OTULIN: variants seen among roughly 807,000 people sequenced by gnomAD.
OTULIN encodes ubiquitin thioesterase otulin.
A neutral mutation model predicts 39.6 loss-of-function variants in OTULIN; 15 were observed. The observed-to-expected ratio is 0.38, with a 90% CI of 0.25 to 0.58. The LOEUF (loss-of-function observed/expected upper bound fraction) is 0.58. Among genes scored for constraint, OTULIN ranks in the 20% least tolerant of loss-of-function variants. OTULIN has a pLI of 0.66. For missense variants in OTULIN, 319 were observed against 445.9 expected, an observed-to-expected ratio of 0.72 and a Z score of 2.56; for synonymous variants, 156 against 170.3, an observed-to-expected ratio of 0.92 and a Z score of 0.65.
At chr5:14,712,784 G>T in the OTULIN span, 2 of 1,306,690 alleles carry the variant, frequency 1.5e-6, no homozygotes, top group Non-Finnish European at 2.2e-6. Flanking sequence ...ACTGACGAAC[G>T]CCACCATCCA....
intron 1 of OTULIN, among the ~76,000 whole-genome samples, chr5:14,666,838 G>C (rs977937575): frequency 5.9e-5 from 9 of 152,160 alleles, no homozygotes; most frequent in Non-Finnish European, 1.0e-4. Context: ...GTAGTGGGCT[G>C]TTTCTCTATG....
downstream of OTULIN, among the ~76,000 whole-genome samples, chr5:14,701,665 G>A (rs998894361): frequency 2.0e-5 from 3 of 152,220 alleles, no homozygotes; most frequent in African/African-American, 7.2e-5. Flanking sequence ...GGATGGCAGA[G>A]TCAGGGAGTT....
chr5:14,710,786 T>C, the OTULIN span: 1 of 226,714 alleles, frequency 4.4e-6, no homozygotes, highest in Non-Finnish European at 8.9e-6. Flanking sequence ...TGTTGATTCT[T>C]AAGAGCGATG....
chr5:14,681,338 C>G, intron 3 of OTULIN, 126 bp from the exon 4 acceptor site: 2 of 1,032,568 alleles, frequency 1.9e-6, no homozygotes, highest in Middle Eastern at 2.3e-4. Flanking sequence ...TAGAAAGGGA[C>G]ATAAAACTCC....
intron 2 of OTULIN, among the ~76,000 whole-genome samples, chr5:14,676,303 G>A (rs1485259763): frequency 6.6e-6 from 1 of 152,210 alleles, no homozygotes. Context: ...AGCAGCGTCT[G>A]TGTAGTTTGC....
rs200855910 is a variant in OTULIN at position 14,694,539 on chromosome 5, A to ATT, written c.*1498_*1499dup. ...TCCAATTTAATATAGTTTAGAAGCT[A>ATT]TTTTTTTTGAGGCAAACCGTTTTTG... On this transcript the variant is annotated 3_prime_UTR_variant, in exon 7 of 7. Transcript: ENST00000284274. The ATT allele has an allele frequency of 6.6e-6, 1 of 152,034 alleles. No homozygotes were observed. The highest frequency in any genetic ancestry group is 1.5e-5 in the Non-Finnish European group (1 of 67,988). The allele number at this position is 152,034 out of a possible 1,614,324, so 9.4% of individuals were successfully genotyped here.
chr5:14,675,188 AT>A (rs1736074330), intron 2 of OTULIN, among the ~76,000 whole-genome samples: 1 of 152,180 alleles, frequency 6.6e-6, no homozygotes, highest in Non-Finnish European at 1.5e-5. Context: ...TGAGTTTATT[AT>A]GGTGCCAAAA....
At position 14,699,729 on chromosome 5, in the gene OTULIN, C is replaced by T. The variant is rs74565345; in HGVS notation, c.*6681C>T. On this transcript the variant is annotated 3_prime_UTR_variant, in exon 7 of 7. Transcript: ENST00000284274. ...CCAGCTGCATTATGTGTGTTTAGAA[C>T]GAGAAGTTGTTTGTACAGTATTTTT... 8 of 152,284 alleles carry T rather than the reference C, an allele frequency of 5.3e-5. No homozygotes were observed. The East Asian group carries it at 1.2e-3, about 22-fold the overall frequency. The allele number at this position is 152,284 out of a possible 1,614,324, so 9.4% of individuals were successfully genotyped here.
Position 14,692,950 on chromosome 5 carries a change from A to T in OTULIN, c.961A>T (p.Thr321Ser). 6.2e-7 allele frequency: 1 copy of T among 1,614,106 alleles called. No individual in the cohort carries two copies. The highest frequency in any genetic ancestry group is 8.5e-7 in the Non-Finnish European group (1 of 1,180,016). Residue 321 changes from threonine to serine, a missense_variant, in exon 7 of 7, where the codon ACC (threonine) becomes TCC (serine). Coordinates refer to ENST00000284274, the MANE Select transcript of OTULIN (RefSeq NM_138348.6). ...GGAAGAATTCATCACAGTCTACCCC[A>T]CCGACCCACCCAAGGACTGGCCAGT... ...NTEEFITVYPTDPPKDWPVVT... is the reference protein window; with the variant it reads ...NTEEFITVYPSDPPKDWPVVT...
chr5:14,691,048 G>A (rs1168253822), intron 6 of OTULIN, among the ~76,000 whole-genome samples: 1 of 152,244 alleles, frequency 6.6e-6, no homozygotes, highest in Admixed American at 6.5e-5. Context: ...TTACAGATTT[G>A]TTAAGTGTGG....
At chr5:14,706,560 T>C in the OTULIN span, 5 of 152,330 alleles carry the variant, frequency 3.3e-5, no homozygotes, top group South Asian at 8.3e-4. Context: ...GTATACTATA[T>C]ATTTGTGACT....
chr5:14,711,168 T>TC, the OTULIN span: 1 of 1,540,686 alleles, frequency 6.5e-7, no homozygotes, highest in South Asian at 1.1e-5. Context: ...TGACTGACTG[T>TC]CCCTGCAGTG....
intron 5 of OTULIN, 182 bp downstream of exon 5, chr5:14,687,828 A>G (rs1182131629): frequency 1.7e-6 from 1 of 595,032 alleles, no homozygotes; most frequent in African/African-American, 1.9e-5. Context: ...GGGAAGTACC[A>G]ACATTATATA....
chr5:14,665,525 A>G (rs1344568828), intron 1 of OTULIN, among the ~76,000 whole-genome samples: 1 of 152,108 alleles, frequency 6.6e-6, no homozygotes, highest in East Asian at 1.9e-4. Flanking sequence ...GGTTAGATCA[A>G]TTTCTTACTG....
rs1034556926 is a variant in OTULIN at position 14,694,494 on chromosome 5, T to C, written c.*1446T>C. 2.0e-5 allele frequency: 3 copies of C among 152,262 alleles called. No individual in the cohort carries two copies. The highest frequency in any genetic ancestry group is 7.2e-5 in the African/African-American group (3 of 41,466). 9.4% of individuals were successfully genotyped at this position (152,262 alleles called of 1,614,324 possible). A position where few individuals can be genotyped will look rare whatever the true frequency, so the allele number is the denominator to read the frequency against. ...TGAAGTACTGAGCTTTGTTTTATAA[T>C]AATTAAAATCCTTATTTGGTCCAAT... On this transcript the variant is annotated 3_prime_UTR_variant, in exon 7 of 7. Transcript: ENST00000284274.
In OTULIN at chr5:14,695,996, T is replaced by G. The variant is rs933245490; in HGVS notation, c.*2948T>G. The stretch of plus-strand genomic sequence containing the variant: ...AGAACGGACATTGCCTTGGTATGTT[T>G]TTTTTTTTTTTTCCCTCCACTTTTG... On this transcript the variant is annotated 3_prime_UTR_variant, in exon 7 of 7. Coordinates refer to ENST00000284274, the MANE Select transcript of OTULIN (RefSeq NM_138348.6). 11 of 150,132 alleles carry G rather than the reference T, an allele frequency of 7.3e-5. No individual in the cohort carries two copies. The highest frequency in any genetic ancestry group is 2.7e-4 in the African/African-American group (11 of 40,982). The allele number at this position is 150,132 out of a possible 1,614,324, so 9.3% of individuals were successfully genotyped here.
At chr5:14,671,576 C>T (rs554234336) in intron 1 of OTULIN, among the ~76,000 whole-genome samples, 16 of 152,232 alleles carry the variant, frequency 1.1e-4, no homozygotes, top group Admixed American at 6.5e-4. Flanking sequence ...TGATTTTAGG[C>T]CTTTGATGTA....
chr5:14,678,496 A>T (rs998924920), intron 2 of OTULIN, among the ~76,000 whole-genome samples, 185 bp from the exon 3 acceptor site: 4 of 151,850 alleles, frequency 2.6e-5, no homozygotes, highest in Non-Finnish European at 5.9e-5. Flanking sequence ...CCATTGGGAG[A>T]CCCCCATGGT....
At chr5:14,712,291 T>G in the OTULIN span, among the ~76,000 whole-genome samples, 1 of 152,238 alleles carries the variant, frequency 6.6e-6, no homozygotes, top group Non-Finnish European at 1.5e-5. Flanking sequence ...GCTACTCTCT[T>G]GACCAACTGT....
Sources: gnomAD v4.1 joint callset for allele counts (sites outside exome capture counted in the v4.1 genomes callset) on GRCh38, gnomAD v4.1.1 for gene constraint, MANE v1.5 for transcripts, NCBI Gene and HGNC (gene_info 2026-07-23, HGNC 2026-07-21) for gene names.